Variants in TBC1D10A observed in about 807,000 individuals in gnomAD.
TBC1D10A encodes EBP50-PDX interactor of 64 kDa.
TBC1D10A carries 24 observed loss-of-function variants against 52.9 expected under a neutral mutation model. The ratio of observed to expected loss-of-function variants is 0.45; its 90% CI spans 0.33 to 0.64. TBC1D10A has a LOEUF of 0.64. TBC1D10A is among the 30% of genes least tolerant of loss of function. The probability of loss-of-function intolerance (pLI) is 0.02; values close to 1 mark genes in which losing one functional copy is unlikely to be tolerated. For synonymous variants in TBC1D10A, 278 were observed against 282.9 expected (o/e 0.98, Z 0.17); for missense variants, 602 against 687.9 (o/e 0.88, Z 1.40).
chr22:30,305,433 T>C (rs898189587), intron 1 of TBC1D10A: 3 of 152,222 alleles, frequency 2.0e-5, no homozygotes, highest in African/African-American at 7.2e-5. Context: ...AATAAGGTAT[T>C]AATGACAGAC....
intron 1 of TBC1D10A, among the ~76,000 whole-genome samples, chr22:30,321,849 C>G (rs754712570): frequency 2.0e-5 from 3 of 152,184 alleles, no homozygotes; most frequent in Non-Finnish European, 4.4e-5. Flanking sequence ...CCCTTCCCAA[C>G]CACTTCCTCT....
Position 30,326,679 on chromosome 22 carries a change from T to C in TBC1D10A, c.203A>G (p.Glu68Gly). Residue 68 changes from glutamate to glycine, a missense_variant, in exon 1 of 9, where the codon GAG (glutamate) becomes GGG (glycine). By Grantham distance (98) the Glu-to-Gly change is moderately conservative (BLOSUM62 -2). Around this residue, in one of 3 missense-constraint regions of TBC1D10A, gnomAD observed 201 missense variants for 204.4 expected, o/e 0.98. Transcript: ENST00000215790. ...FGFIVGSQGA[E>G]GALEEVPLEV... ...GACCCCCGGCGCTACTCACGCGCCC[T>C]CGGCGCCCTGCGAGCCCACGATGAA... 1 of 1,550,696 alleles carries C rather than the reference T, an allele frequency of 6.4e-7. No homozygotes were observed. The highest frequency in any genetic ancestry group is 8.7e-7 in the Non-Finnish European group (1 of 1,148,600).
At chr22:30,316,819 G>A (rs898072027) in intron 1 of TBC1D10A, among the ~76,000 whole-genome samples, 1 of 152,028 alleles carries the variant, frequency 6.6e-6, no homozygotes, top group Non-Finnish European at 1.5e-5. Flanking sequence ...AGGGAGGATC[G>A]CTTGTGCCCA....
intron 1 of TBC1D10A, chr22:30,318,921 C>T: frequency 2.9e-6 from 1 of 350,168 alleles, no homozygotes; most frequent in South Asian, 2.1e-5. Flanking sequence ...ATTTCCTGGA[C>T]TAACTTTTAT....
At chr22:30,308,591 T>G (rs1930366611) in intron 1 of TBC1D10A, among the ~76,000 whole-genome samples, 1 of 152,262 alleles carries the variant, frequency 6.6e-6, no homozygotes, top group Non-Finnish European at 1.5e-5. Context: ...TAAAACTGAT[T>G]TCAGCACCAA....
intron 1 of TBC1D10A, among the ~76,000 whole-genome samples, chr22:30,313,104 G>A (rs1930458501): frequency 6.6e-6 from 1 of 152,154 alleles, no homozygotes; most frequent in Admixed American, 6.5e-5. Context: ...GGCTGAGAAA[G>A]GGGAAAGAAC....
chr22:30,292,943 C>T, intron 8 of TBC1D10A, 92 bp from the exon 9 acceptor site: 1 of 1,427,466 alleles, frequency 7.0e-7, no homozygotes, highest in Non-Finnish European at 9.7e-7. Flanking sequence ...TCCTCAGCAT[C>T]CCCCAGCCTT....
chr22:30,296,496 G>C (rs1182575459), intron 3 of TBC1D10A: 1 of 152,530 alleles, frequency 6.6e-6, no homozygotes, highest in Non-Finnish European at 1.5e-5. Context: ...GTGTGTGTGA[G>C]ATCTGCACAG....
intron 1 of TBC1D10A, among the ~76,000 whole-genome samples, chr22:30,313,907 A>G (rs551354995): frequency 6.6e-6 from 1 of 152,170 alleles, no homozygotes; most frequent in Admixed American, 6.5e-5. Flanking sequence ...AGGGCTGAGC[A>G]CAGATCTGCT....
intron 3 of TBC1D10A, chr22:30,298,363 G>C (rs1930128967): frequency 6.6e-6 from 1 of 152,212 alleles, no homozygotes; most frequent in South Asian, 2.1e-4. Flanking sequence ...AATCCAATCA[G>C]CCAGATTCAG....
In TBC1D10A at chr22:30,295,826, AGG is replaced by A; in HGVS notation, c.433_434del (p.Pro145TrpfsTer10). ...PGKFDELDMS[P>X]GDPKWLDVIE... The stretch of plus-strand genomic sequence containing the variant: ...TCACGTCCAGCCACTTGGGGTCCCC[AGG>A]GGACATGTCCAGCTCCTAGAAGCAA... On this transcript the variant is annotated frameshift_variant, in exon 4 of 9. Transcript: ENST00000215790. LOFTEE classifies it high-confidence loss of function. 1 of 1,613,708 alleles carries A rather than the reference AGG, an allele frequency of 6.2e-7. No homozygotes were observed. The highest frequency in any genetic ancestry group is 1.1e-5 in the South Asian group (1 of 91,070).
intron 2 of TBC1D10A, among the ~76,000 whole-genome samples, chr22:30,300,220 G>A (rs1410570336): frequency 2.0e-5 from 3 of 151,872 alleles, no homozygotes; most frequent in Non-Finnish European, 4.4e-5. Context: ...AGCCGAGAAG[G>A]GCAGATCACT....
At chr22:30,320,978 G>A (rs1032354322) in intron 1 of TBC1D10A, among the ~76,000 whole-genome samples, 9 of 152,172 alleles carry the variant, frequency 5.9e-5, no homozygotes, top group African/African-American at 2.2e-4. Context: ...TGGGTGGCTG[G>A]GCCACAGCCA....
At position 30,295,750 on chromosome 22, in the gene TBC1D10A, G is replaced by C; in HGVS notation, c.511C>G (p.Arg171Gly). 6.2e-7 allele frequency: 1 copy of C among 1,613,914 alleles called. No individual in the cohort carries two copies. The highest frequency in any genetic ancestry group is 8.5e-7 in the Non-Finnish European group (1 of 1,179,998). The stretch of plus-strand genomic sequence containing the variant: ...CAGCCTGCTCACCCGTGGCCCCCCC[G>C]GGACACAAACATCTCATGGAATGGG... ...QFPFHEMFVS[R>G]GGHGQQDLFR... Residue 171 changes from arginine to glycine, a missense_variant, in exon 4 of 9, where the codon CGG (arginine) becomes GGG (glycine). Coordinates refer to ENST00000215790, the MANE Select transcript of TBC1D10A (RefSeq NM_031937.3).
At chr22:30,314,827 C>A (rs529506453) in intron 1 of TBC1D10A, among the ~76,000 whole-genome samples, 14 of 146,530 alleles carry the variant, frequency 9.6e-5, no homozygotes, top group Admixed American at 6.8e-4. Context: ...AAAAAAAAAA[C>A]CCACCAAAAA....
At chr22:30,326,539 G>T in intron 1 of TBC1D10A, 134 bp downstream of exon 1, 2 of 811,480 alleles carry the variant, frequency 2.5e-6, no homozygotes, top group East Asian at 3.5e-5. Flanking sequence ...TGGGGGTGGG[G>T]CAGGGGAGGG....
chr22:30,313,476 C>T (rs769329807), intron 1 of TBC1D10A, among the ~76,000 whole-genome samples: 1 of 151,316 alleles, frequency 6.6e-6, no homozygotes, highest in East Asian at 1.9e-4. Flanking sequence ...CTCCGCCTCC[C>T]GGGTTCAAGC....
intron 4 of TBC1D10A, 27 bp downstream of exon 4, chr22:30,295,710 C>T: frequency 6.2e-7 from 1 of 1,612,008 alleles, no homozygotes; most frequent in Non-Finnish European, 8.5e-7. Context: ...GAGCCACCTC[C>T]CACCTCATGA....
At chr22:30,308,277 A>AGCCTGCAT (rs796209927) in intron 1 of TBC1D10A, among the ~76,000 whole-genome samples, 10 of 81,180 alleles carry the variant, frequency 1.2e-4, no homozygotes, top group African/African-American at 6.9e-4. Context: ...GCCTCCACAC[A>AGCCTGCAT]GCCTGCATGC....
Sources: gnomAD v4.1 joint callset for allele counts (sites outside exome capture counted in the v4.1 genomes callset) on GRCh38, gnomAD v4.1.1 for gene constraint, gnomAD v4.1.1 regional missense constraint, MANE v1.5 for transcripts, NCBI Gene and HGNC (gene_info 2026-07-23, HGNC 2026-07-21) for gene names.